The following PLXNA4 variants were observed in gnomAD, a reference collection of about 807,000 sequenced individuals.
The protein encoded by PLXNA4 is plexin-A4.
PLXNA4 carries 44 observed loss-of-function variants against 191.8 expected under a neutral mutation model. That is an observed-to-expected ratio of 0.23 (90% CI 0.18 to 0.29). The LOEUF is 0.29. Ranked by LOEUF, PLXNA4 falls within the 10% of genes least tolerant of loss-of-function variation. PLXNA4 has a pLI of 1.00. For missense variants in PLXNA4, 1,800 were observed against 2,488.8 expected (o/e 0.72, Z 5.89); for synonymous variants, 1,082 against 1,009.5 (o/e 1.07, Z -1.36).
At chr7:132,550,483 G>T (rs1249264201) in intron 1 of PLXNA4, among the ~76,000 whole-genome samples, 6 of 152,236 alleles carry the variant, frequency 3.9e-5, no homozygotes, top group Non-Finnish European at 1.5e-5. Context: ...ATAGCAATGA[G>T]AGGGAGGGGT....
chr7:132,281,262 CA>C (rs1409418198), intron 4 of PLXNA4, among the ~76,000 whole-genome samples: 1 of 151,782 alleles, frequency 6.6e-6, no homozygotes, highest in African/African-American at 2.4e-5. Context: ...CGCAGAGATG[CA>C]AAAAAGTGCA....
intron 25 of PLXNA4, among the ~76,000 whole-genome samples, chr7:132,149,790 G>A (rs902780043): frequency 1.3e-5 from 2 of 152,178 alleles, no homozygotes; most frequent in Non-Finnish European, 2.9e-5. Flanking sequence ...TTCTTCCTAT[G>A]TCTCACAGAG....
chr7:132,577,779 C>T (rs938788467), upstream of PLXNA4, among the ~76,000 whole-genome samples: 2 of 152,172 alleles, frequency 1.3e-5, no homozygotes, highest in Admixed American at 1.3e-4. Flanking sequence ...GAGGGACCCT[C>T]AGGTGCTCAG....
At chr7:132,397,308 T>C (rs1793807677) in intron 3 of PLXNA4, among the ~76,000 whole-genome samples, 1 of 152,176 alleles carries the variant, frequency 6.6e-6, no homozygotes, top group South Asian at 2.1e-4. Context: ...AGCACCACCG[T>C]CACTCGAGCT....
chr7:132,577,398 C>G (rs1388983590), upstream of PLXNA4: 2 of 135,180 alleles, frequency 1.5e-5, no homozygotes, highest in Non-Finnish European at 3.2e-5. Flanking sequence ...CTCCCTGCTT[C>G]CCTTCCTCCC....
chr7:132,217,818 G>A (rs1393509518), intron 9 of PLXNA4, among the ~76,000 whole-genome samples: 1 of 151,652 alleles, frequency 6.6e-6, no homozygotes, highest in Non-Finnish European at 1.5e-5. Flanking sequence ...CAGTTGTCTG[G>A]AGGAATGGCA....
intron 3 of PLXNA4, among the ~76,000 whole-genome samples, chr7:132,421,858 G>A (rs561241026): frequency 6.6e-6 from 1 of 152,200 alleles, no homozygotes; most frequent in South Asian, 2.1e-4. Flanking sequence ...ATCGCAGTGG[G>A]AACCCCAGCT....
intron 2 of PLXNA4, among the ~76,000 whole-genome samples, chr7:132,597,719 A>C (rs1802739866): frequency 6.6e-6 from 1 of 152,116 alleles, no homozygotes; most frequent in Non-Finnish European, 1.5e-5. Context: ...ATTCTTGTAA[A>C]ATATGTGTAT....
Position 132,198,509 on chromosome 7 carries a change from A to G in PLXNA4, c.2714T>C (p.Val905Ala), listed in dbSNP as rs911290108. ...CTGTTCTGCAGGGATGTAACCATCC[A>G]CTAAAGGGCTGCACTCCACGCCAGC... ...KVAGVECSPL[V>A]DGYIPAEQIV... Residue 905 changes from valine (V) to alanine (A), a missense_variant, in exon 13 of 32, where the codon GTG becomes GCG. Physicochemically the swap from Val to Ala is moderately conservative, Grantham distance 64. Around this residue, in one of 6 missense-constraint regions of PLXNA4, gnomAD observed 1,397 missense variants for 1,880.4 expected, o/e 0.74. Coordinates refer to ENST00000321063, the MANE Select transcript of PLXNA4 (RefSeq NM_020911.2). 6.2e-7 allele frequency: 1 copy of G among 1,614,210 alleles called. No individual in the cohort carries two copies. The highest frequency in any genetic ancestry group is 8.5e-7 in the Non-Finnish European group (1 of 1,180,036).
intron 5 of PLXNA4, among the ~76,000 whole-genome samples, chr7:132,237,794 A>G (rs1456299079): frequency 3.9e-5 from 6 of 152,232 alleles, no homozygotes; most frequent in African/African-American, 9.7e-5. Flanking sequence ...AGTTTCTGAC[A>G]TACGGAGTTA....
chr7:132,437,998 G>A (rs1795540216), intron 3 of PLXNA4, among the ~76,000 whole-genome samples: 1 of 152,230 alleles, frequency 6.6e-6, no homozygotes, highest in Non-Finnish European at 1.5e-5. Context: ...GTCAAGAGGA[G>A]GGGCAGGAAC....
intron 1 of PLXNA4, among the ~76,000 whole-genome samples, chr7:132,561,561 C>CCTCCTCCTCCTA (rs1801075358): frequency 1.9e-5 from 2 of 105,608 alleles, no homozygotes; most frequent in African/African-American, 8.2e-5. Flanking sequence ...TCCTCCTTCT[C>CCTCCTCCTCCTA]CTCCTCCTTT....
chr7:132,321,545 C>G (rs992022183), intron 3 of PLXNA4, among the ~76,000 whole-genome samples: 1 of 152,154 alleles, frequency 6.6e-6, no homozygotes, highest in Non-Finnish European at 1.5e-5. Context: ...CATTTCTGAT[C>G]CCCTGGAAGG....
chr7:132,334,252 C>CTTTCTTTTTTTTTT (rs1554417000), intron 3 of PLXNA4, among the ~76,000 whole-genome samples: 6 of 75,608 alleles, frequency 7.9e-5, no homozygotes, highest in African/African-American at 3.0e-4. Flanking sequence ...TTCTTTCTTT[C>CTTTCTTTTTTTTTT]TTTTTTTTTT....
chr7:132,472,082 G>A (rs961749574), intron 3 of PLXNA4, among the ~76,000 whole-genome samples: 6 of 152,092 alleles, frequency 3.9e-5, no homozygotes, highest in East Asian at 1.9e-4. Context: ...TTGTAACCAC[G>A]CTCCATTATC....
chr7:132,237,090 G>A (rs1387896755), intron 5 of PLXNA4, among the ~76,000 whole-genome samples: 2 of 152,238 alleles, frequency 1.3e-5, no homozygotes, highest in African/African-American at 4.8e-5. Context: ...TTACAAGCGT[G>A]TTTGTCTTTG....
At chr7:132,640,380 T>C (rs931253010) in intron 2 of PLXNA4, among the ~76,000 whole-genome samples, 3 of 152,128 alleles carry the variant, frequency 2.0e-5, no homozygotes, top group African/African-American at 7.2e-5. Context: ...TCAAATTAAT[T>C]TGTTGAGGCC....
At chr7:132,337,463 G>A (rs879279245) in intron 3 of PLXNA4, among the ~76,000 whole-genome samples, 4 of 152,234 alleles carry the variant, frequency 2.6e-5, no homozygotes, top group Non-Finnish European at 5.9e-5. Flanking sequence ...CAACACAGGT[G>A]TGCAAATGGG....
Position 132,194,175 on chromosome 7 carries a change from C to T in PLXNA4, c.2743G>A (p.Val915Met), listed in dbSNP as rs755552115. 88 of 1,613,006 alleles carry T rather than the reference C, an allele frequency of 5.5e-5. No individual in the cohort carries two copies. The highest frequency in any genetic ancestry group is 3.3e-4 in the Middle Eastern group (2 of 6,042). ...GGCTTGGCCTCCCCCATCTCACACA[C>T]GATCCTGCAGGGAGGATAGGAGAAA... ...VDGYIPAEQIVCEMGEAKPSQ... is the reference protein window; with the variant it reads ...VDGYIPAEQIMCEMGEAKPSQ... Residue 915 changes from valine to methionine, a missense_variant, in exon 14 of 32, where the codon GTG becomes ATG. Val to Met is a conservative substitution (Grantham distance 21). Coordinates refer to ENST00000321063, the MANE Select transcript of PLXNA4 (RefSeq NM_020911.2).
Sources: allele counts gnomAD v4.1 joint callset (sites outside exome capture counted in the v4.1 genomes callset), GRCh38; gene constraint gnomAD v4.1.1; regional missense constraint gnomAD v4.1.1; transcripts MANE v1.5; gene names NCBI Gene and HGNC (gene_info 2026-07-23, HGNC 2026-07-21).